NPAS3: variants seen among roughly 807,000 people sequenced by gnomAD.
NPAS3 encodes neuronal PAS domain-containing protein 3.
In NPAS3, 14 loss-of-function variants were observed where a neutral mutation model predicts 73.1. That is an observed-to-expected ratio of 0.19 (90% CI 0.13 to 0.30). The LOEUF is 0.30. NPAS3 is among the 10% of genes least tolerant of loss of function. The pLI is 1.00. For synonymous variants in NPAS3, 620 were observed against 541.5 expected (o/e 1.14, Z -2.01); for missense variants, 1,096 against 1,250.0 (o/e 0.88, Z 1.86).
At chr14:33,124,805 CAT>C (rs1276394084) in intron 2 of NPAS3, among the ~76,000 whole-genome samples, 1 of 151,898 alleles carries the variant, frequency 6.6e-6, no homozygotes, top group African/African-American at 2.4e-5. Context: ...GATGTTTAAA[CAT>C]AGTGATCAAT....
At chr14:33,089,589 A>T (rs1300061051) in intron 2 of NPAS3, among the ~76,000 whole-genome samples, 1 of 152,228 alleles carries the variant, frequency 6.6e-6, no homozygotes, top group Non-Finnish European at 1.5e-5. Flanking sequence ...GATATTATCC[A>T]GGAGAACTTC....
intron 2 of NPAS3, among the ~76,000 whole-genome samples, chr14:33,154,933 G>A (rs1231186959): frequency 2.0e-5 from 3 of 152,186 alleles, no homozygotes; most frequent in Admixed American, 6.5e-5. Context: ...TGCGTTTTTG[G>A]TAAAGATTTC....
At chr14:33,419,274 G>T (rs1488776301) in intron 4 of NPAS3, among the ~76,000 whole-genome samples, 1 of 151,696 alleles carries the variant, frequency 6.6e-6, no homozygotes, top group Non-Finnish European at 1.5e-5. Flanking sequence ...TTAGAGAAGA[G>T]ACAAAGATAA....
At chr14:33,450,799 A>G (rs145778764) in intron 4 of NPAS3, among the ~76,000 whole-genome samples, 1 of 152,336 alleles carries the variant, frequency 6.6e-6, no homozygotes, top group East Asian at 1.9e-4. Flanking sequence ...AAATATCCCC[A>G]AATACAACTA....
intron 5 of NPAS3, among the ~76,000 whole-genome samples, chr14:33,631,101 C>T (rs902704984): frequency 1.3e-5 from 2 of 152,156 alleles, no homozygotes; most frequent in Admixed American, 6.5e-5. Flanking sequence ...AAAGTTGTCC[C>T]TGGACCAATA....
chr14:33,766,725 T>A (rs35035753), intron 7 of NPAS3, among the ~76,000 whole-genome samples: 11 of 152,146 alleles, frequency 7.2e-5, no homozygotes, highest in Non-Finnish European at 1.5e-4. Flanking sequence ...TACCATCCAC[T>A]TACTTCCTGA....
chr14:33,578,491 G>T (rs772888989), intron 5 of NPAS3, among the ~76,000 whole-genome samples: 8 of 152,112 alleles, frequency 5.3e-5, no homozygotes, highest in Non-Finnish European at 1.0e-4. Context: ...ACCGCACCCA[G>T]CCCCAACACC....
chr14:32,936,605 G>C (rs1566777443), upstream of NPAS3, among the ~76,000 whole-genome samples: 7 of 152,282 alleles, frequency 4.6e-5, 1 homozygote, highest in Admixed American at 4.6e-4. Context: ...CTGTGAAGTA[G>C]GGAGTCAAGG....
intron 5 of NPAS3, among the ~76,000 whole-genome samples, chr14:33,572,197 C>G (rs922809478): frequency 7.2e-5 from 11 of 152,130 alleles, no homozygotes; most frequent in African/African-American, 2.7e-4. Flanking sequence ...TAATGATTGA[C>G]TTGTGCATTC....
intron 1 of NPAS3, among the ~76,000 whole-genome samples, chr14:32,971,124 G>A (rs773395443): frequency 8.9e-5 from 13 of 146,710 alleles, no homozygotes; most frequent in African/African-American, 2.0e-4. Context: ...TTGCTGTGTC[G>A]CCCATGCTGG....
chr14:33,168,979 G>T (rs1276102875), intron 2 of NPAS3, among the ~76,000 whole-genome samples: 4 of 152,184 alleles, frequency 2.6e-5, no homozygotes, highest in Non-Finnish European at 4.4e-5. Flanking sequence ...TTTCAAAATT[G>T]TGCTTTCAGA....
intron 2 of NPAS3, among the ~76,000 whole-genome samples, chr14:33,086,427 G>A (rs1447152106): frequency 3.3e-5 from 5 of 152,016 alleles, no homozygotes; most frequent in South Asian, 2.1e-4. Flanking sequence ...GTATTGCAGA[G>A]GGACCCCTTG....
intron 3 of NPAS3, among the ~76,000 whole-genome samples, chr14:33,311,620 G>A (rs546867807): frequency 1.3e-5 from 2 of 152,248 alleles, no homozygotes; most frequent in South Asian, 2.1e-4. Context: ...ATACAAGGTA[G>A]CCTTAATTCA....
intron 5 of NPAS3, among the ~76,000 whole-genome samples, chr14:33,610,669 T>G (rs1435615284): frequency 6.6e-6 from 1 of 152,224 alleles, no homozygotes; most frequent in Non-Finnish European, 1.5e-5. Flanking sequence ...CAAAGAAATT[T>G]TATTTCCTAT....
At chr14:33,233,207 A>C (rs912061957) in intron 3 of NPAS3, among the ~76,000 whole-genome samples, 3 of 152,176 alleles carry the variant, frequency 2.0e-5, no homozygotes, top group Non-Finnish European at 4.4e-5. Context: ...CACAAATGCT[A>C]AACAGTCACA....
At chr14:33,026,002 A>G (rs951220111) in intron 1 of NPAS3, among the ~76,000 whole-genome samples, 3 of 152,234 alleles carry the variant, frequency 2.0e-5, no homozygotes, top group Admixed American at 6.5e-5. Flanking sequence ...TTGATTATTT[A>G]AAATAAGATG....
intron 1 of NPAS3, among the ~76,000 whole-genome samples, chr14:33,036,154 G>A (rs2138379178): frequency 6.6e-6 from 1 of 152,216 alleles, no homozygotes; most frequent in East Asian, 1.9e-4. Flanking sequence ...GAAAGCAGAA[G>A]GGTCAGAATT....
chr14:33,537,266 T>TA (rs2054298476), intron 4 of NPAS3, among the ~76,000 whole-genome samples: 1 of 152,208 alleles, frequency 6.6e-6, no homozygotes, highest in Non-Finnish European at 1.5e-5. Context: ...AATTGTTGTG[T>TA]ATTTAACTGA....
chr14:33,391,187 C>CTTTTTTTT (rs370631048), intron 4 of NPAS3, among the ~76,000 whole-genome samples: 2 of 109,810 alleles, frequency 1.8e-5, no homozygotes, highest in East Asian at 3.1e-4. Context: ...TGGCCCATAT[C>CTTTTTTTT]TTTTTTTTTT....
Sources: allele counts gnomAD v4.1 joint callset (sites outside exome capture counted in the v4.1 genomes callset), GRCh38; gene constraint gnomAD v4.1.1; transcripts MANE v1.5; gene names NCBI Gene and HGNC (gene_info 2026-07-23, HGNC 2026-07-21).